The following UHRF1 variants were observed in gnomAD, a reference collection of about 807,000 sequenced individuals.
The protein encoded by UHRF1 is E3 ubiquitin-protein ligase UHRF1.
In UHRF1, 9 loss-of-function variants were observed where a neutral mutation model predicts 96.5. The ratio of observed to expected loss-of-function variants is 0.09; its 90% CI spans 0.06 to 0.16. The LOEUF is 0.16. Ranked by LOEUF, UHRF1 falls within the 10% of genes least tolerant of loss-of-function variation. The pLI is 1.00. For synonymous variants in UHRF1, 455 were observed against 469.9 expected, an observed-to-expected ratio of 0.97 and a Z score of 0.41; for missense variants, 626 against 1,131.1, an observed-to-expected ratio of 0.55 and a Z score of 6.40.
intron 13 of UHRF1, among the ~76,000 whole-genome samples, chr19:4,952,357 G>A (rs183012245): frequency 6.8e-4 from 99 of 146,660 alleles, no homozygotes; most frequent in Admixed American, 1.7e-3. Flanking sequence ...GCCTCCCAAA[G>A]TGCTGGGATT....
intron 5 of UHRF1, among the ~76,000 whole-genome samples, chr19:4,939,397 GAGT>G (rs1211319923): frequency 6.6e-6 from 1 of 151,446 alleles, no homozygotes; most frequent in Non-Finnish European, 1.5e-5. Context: ...TTTTGAGACG[GAGT>G]CTTGCTGTTT....
chr19:4,951,572 C>G lies in UHRF1; in HGVS notation c.1818+576C>G, dbSNP rs544758595. 3.2e-4 allele frequency among the ~76,000 whole-genome samples: 49 copies of G among 152,050 alleles called. 1 individual carries two copies. Among genetic ancestry groups the G allele is most frequent in the Non-Finnish European group, 6.3e-4 (43 of 67,990 alleles). ...GATGGGAACGCGCAGATGACATTTG[C>G]TTCTCCGCCTGCCGCATCTCAGAGT... On this transcript the variant is annotated intron_variant, in intron 13 of 16. Coordinates refer to ENST00000650932, the MANE Select transcript of UHRF1 (RefSeq NM_001048201.3).
chr19:4,951,071 G>T, intron 13 of UHRF1, 75 bp downstream of exon 13: 1 of 1,461,148 alleles, frequency 6.8e-7, no homozygotes, highest in Non-Finnish European at 9.0e-7. Flanking sequence ...TTCAAGACCA[G>T]CCTGGCCAAC....
chr19:4,922,576 A>G (rs1352500510), intron 2 of UHRF1, among the ~76,000 whole-genome samples: 1 of 152,136 alleles, frequency 6.6e-6, no homozygotes, highest in Non-Finnish European at 1.5e-5. Flanking sequence ...CCCTTTACAA[A>G]TTTAGAACAA....
chr19:4,953,466 C>A, intron 13 of UHRF1, among the ~76,000 whole-genome samples: 1 of 152,002 alleles, frequency 6.6e-6, no homozygotes, highest in Non-Finnish European at 1.5e-5. Flanking sequence ...ACTTTGGGGC[C>A]ATTATTTTTA....
chr19:4,933,059 G>A, intron 5 of UHRF1, 103 bp downstream of exon 5: 2 of 1,302,604 alleles, frequency 1.5e-6, no homozygotes, highest in Non-Finnish European at 2.1e-6. Flanking sequence ...GTGTGTGCGA[G>A]GCCCTTAGCC....
rs140208616 is a variant in UHRF1, at chr19:4,918,784, G to A, written c.153+7746G>A. 5.3e-4 allele frequency among the ~76,000 whole-genome samples: 76 copies of A among 144,428 alleles called. 1 individual carries two copies. The East Asian group carries it at 0.015, about 28-fold the overall frequency. 94.8% of individuals were successfully genotyped at this position (144,428 alleles called of 152,430 possible). ...TGCCCAGGCTGGAGTACAGTGGCACGATCTTAGCTCACTGCAGCCTCGAAT... is the reference window on the plus strand; with the variant it reads ...TGCCCAGGCTGGAGTACAGTGGCACAATCTTAGCTCACTGCAGCCTCGAAT... On this transcript the variant is annotated intron_variant, in intron 2 of 16. Transcript: ENST00000650932.
At chr19:4,916,527 C>A (rs1452501800) in intron 2 of UHRF1, among the ~76,000 whole-genome samples, 2 of 152,144 alleles carry the variant, frequency 1.3e-5, no homozygotes, top group Admixed American at 6.6e-5. Flanking sequence ...CCCCGAAGTG[C>A]CGCTCTAGGG....
rs114021095 is a variant in UHRF1 at position 4,944,024 on chromosome 19, G to A, written c.1074-108G>A. The A allele has an allele frequency of 9.8e-5, 149 of 1,516,708 alleles. No individual in the cohort carries two copies. In the African/African-American group the frequency reaches 1.8e-3, roughly 18 times the overall value. The allele number at this position is 1,516,708 out of a possible 1,614,324, so 94.0% of individuals were successfully genotyped here. A position where few individuals can be genotyped will look rare whatever the true frequency, so the allele number is the denominator to read the frequency against. On this transcript the variant is annotated intron_variant, in intron 7 of 16. Transcript: ENST00000650932. The stretch of plus-strand genomic sequence containing the variant: ...GCAATGTGGACAGGGCAGGATGGTA[G>A]TGGTGCCAGGCGGGGAGAGCCATGT...
intron 2 of UHRF1, among the ~76,000 whole-genome samples, chr19:4,917,374 G>A (rs1378012507): frequency 6.6e-6 from 1 of 151,728 alleles, no homozygotes; most frequent in Admixed American, 6.6e-5. Context: ...GGGTCCACAA[G>A]GCCGGGCGTG....
intron 13 of UHRF1, among the ~76,000 whole-genome samples, chr19:4,951,860 C>G (rs1448926931): frequency 6.6e-6 from 1 of 152,132 alleles, no homozygotes; most frequent in Non-Finnish European, 1.5e-5. Flanking sequence ...AGCATTTCAG[C>G]ACCAGTTAGG....
intron 11 of UHRF1, 101 bp downstream of exon 11, chr19:4,947,312 G>A (rs2033592917): frequency 2.7e-6 from 3 of 1,098,770 alleles, no homozygotes; most frequent in Admixed American, 1.8e-5. Flanking sequence ...CTCATTAGGA[G>A]CGTGGTAGAA....
At chr19:4,915,964 A>G (rs968304582) in intron 2 of UHRF1, among the ~76,000 whole-genome samples, 1 of 152,126 alleles carries the variant, frequency 6.6e-6, no homozygotes, top group Non-Finnish European at 1.5e-5. Context: ...GAATGATCCA[A>G]TAGCCCCAGG....
chr19:4,952,834 C>T (rs2033754822), intron 13 of UHRF1, among the ~76,000 whole-genome samples: 1 of 152,000 alleles, frequency 6.6e-6, no homozygotes, highest in African/African-American at 2.4e-5. Context: ...AGAGAGGGCC[C>T]GAGTCCTCAG....
intron 11 of UHRF1, among the ~76,000 whole-genome samples, chr19:4,949,473 GACACACACACAC>G (rs10580944): frequency 1.5e-4 from 22 of 147,844 alleles, no homozygotes; most frequent in African/African-American, 5.5e-4. Flanking sequence ...TTGGCACATA[GACACACACACAC>G]ACACACACAC....
chr19:4,930,103 T>G lies in UHRF1; in HGVS notation c.409-613T>G, dbSNP rs1182861779. On this transcript the variant is annotated intron_variant, in intron 3 of 16. Transcript: ENST00000650932. This position sits in a 1 kb window ranked among gnomAD's most constrained non-coding sequence, Gnocchi z 4.4. ...AATTCTCGTGCCTCAGCCTCCTGAG[T>G]AGCTGGGATTACAGGCATGTGCCAC... is the stretch of plus-strand genomic sequence containing the variant. Among the ~76,000 whole-genome samples, 1 of 152,186 alleles carries G rather than the reference T, an allele frequency of 6.6e-6. No individual in the cohort carries two copies. The highest frequency in any genetic ancestry group is 1.5e-5 in the Non-Finnish European group (1 of 68,028).
intron 11 of UHRF1, among the ~76,000 whole-genome samples, chr19:4,948,699 G>A (rs2033637344): frequency 6.6e-6 from 1 of 152,126 alleles, no homozygotes; most frequent in African/African-American, 2.4e-5. Flanking sequence ...CTACTTGGGA[G>A]GCTGAGGCAG....
rs886211194 is a variant in UHRF1 at position 4,911,976 on chromosome 19, G to C, written c.153+938G>C. Among the ~76,000 whole-genome samples, 4 of 152,302 alleles carry C rather than the reference G, an allele frequency of 2.6e-5. No individual in the cohort carries two copies. The East Asian group carries it at 7.7e-4, about 29-fold the overall frequency. Reference sequence around the variant, plus strand: ...GGTACTGCTGCCATCTGGTGTCTAGGTTGGAAAATAAACACTGCGCCCGGC... The same window carrying C: ...GGTACTGCTGCCATCTGGTGTCTAGCTTGGAAAATAAACACTGCGCCCGGC... On this transcript the variant is annotated intron_variant, in intron 2 of 16. Transcript: ENST00000650932.
chr19:4,928,264 A>G (rs183328859), intron 2 of UHRF1, among the ~76,000 whole-genome samples: 5 of 151,150 alleles, frequency 3.3e-5, no homozygotes, highest in East Asian at 2.0e-4. Flanking sequence ...CCTGGCCCCA[A>G]TGTCTGCAGT....
Sources: allele counts gnomAD v4.1 joint callset (sites outside exome capture counted in the v4.1 genomes callset), GRCh38; gene constraint gnomAD v4.1.1; non-coding constraint Gnocchi (gnomAD v3.1); transcripts MANE v1.5; gene names NCBI Gene and HGNC (gene_info 2026-07-23, HGNC 2026-07-21).